The following KALRN variants were observed in gnomAD, a reference collection of about 807,000 sequenced individuals.
The protein encoded by KALRN is kalirin RhoGEF kinase.
In KALRN, 70 loss-of-function variants were observed where a neutral mutation model predicts 353.7. That is an observed-to-expected ratio of 0.20 (90% CI 0.16 to 0.24). The LOEUF (loss-of-function observed/expected upper bound fraction) is 0.24. Ranked by LOEUF, KALRN falls within the 10% of genes least tolerant of loss-of-function variation. The pLI is 1.00. For missense variants in KALRN, 2,791 were observed against 3,756.7 expected, an observed-to-expected ratio of 0.74 and a Z score of 6.72; for synonymous variants, 1,391 against 1,434.8, an observed-to-expected ratio of 0.97 and a Z score of 0.69.
At chr3:124,165,801 A>C (rs1185057496) in intron 1 of KALRN, among the ~76,000 whole-genome samples, 1 of 152,172 alleles carries the variant, frequency 6.6e-6, no homozygotes, top group Non-Finnish European at 1.5e-5. Flanking sequence ...ACCCCTTCCA[A>C]GTGCTTTCGC....
chr3:124,533,357 C>T (rs1047956597), intron 33 of KALRN, among the ~76,000 whole-genome samples: 11 of 152,198 alleles, frequency 7.2e-5, no homozygotes, highest in Middle Eastern at 6.8e-3. Flanking sequence ...ATATATTGAG[C>T]AAGGCCAGGT....
intron 6 of KALRN, among the ~76,000 whole-genome samples, chr3:124,313,830 C>G (rs185324898): frequency 6.6e-6 from 1 of 152,268 alleles, no homozygotes; most frequent in African/African-American, 2.4e-5. Context: ...GACATTAGCC[C>G]TGAGGTCAAA....
chr3:124,152,901 C>A, intron 1 of KALRN: 1 of 183,288 alleles, frequency 5.5e-6, no homozygotes, highest in South Asian at 1.4e-4. Context: ...AAGTGTGAGC[C>A]ACTGCACCTG....
chr3:124,497,300 A>C (rs1047644958), intron 33 of KALRN, among the ~76,000 whole-genome samples: 28 of 152,142 alleles, frequency 1.8e-4, no homozygotes, highest in African/African-American at 6.8e-4. Flanking sequence ...TCCAAAGACT[A>C]TTTGTCCCTA....
chr3:124,519,398 G>C (rs978323729), intron 33 of KALRN: 2 of 985,222 alleles, frequency 2.0e-6, no homozygotes, highest in Non-Finnish European at 2.4e-6. Context: ...AGAGTTTCAT[G>C]GAAACCCCAC....
intron 3 of KALRN, among the ~76,000 whole-genome samples, chr3:124,260,672 T>G (rs2072719060): frequency 6.6e-6 from 1 of 151,708 alleles, no homozygotes; most frequent in South Asian, 2.1e-4. Flanking sequence ...ACAGACTGTA[T>G]GTGGGTGAGT....
At chr3:124,333,171 C>T (rs2080778377) in intron 8 of KALRN, among the ~76,000 whole-genome samples, 1 of 152,138 alleles carries the variant, frequency 6.6e-6, no homozygotes, top group African/African-American at 2.4e-5. Flanking sequence ...GAAAAACCCA[C>T]CCGCATGATT....
intron 1 of KALRN, among the ~76,000 whole-genome samples, chr3:124,173,602 A>C (rs564487711): frequency 5.9e-5 from 9 of 152,102 alleles, no homozygotes; most frequent in Non-Finnish European, 1.3e-4. Context: ...AAAGGGACCA[A>C]GGTTTCCTGT....
intron 34 of KALRN, among the ~76,000 whole-genome samples, chr3:124,601,702 T>C (rs1230582344): frequency 8.7e-6 from 1 of 115,460 alleles, no homozygotes; most frequent in Non-Finnish European, 1.8e-5. Flanking sequence ...TTATCTGCTA[T>C]GCTGTGGTAA....
chr3:124,357,015 T>C (rs531758462), intron 10 of KALRN, among the ~76,000 whole-genome samples: 11 of 152,302 alleles, frequency 7.2e-5, no homozygotes, highest in Admixed American at 3.9e-4. Flanking sequence ...CAAAGTTTAT[T>C]ATATCACCTC....
At chr3:124,281,519 C>T (rs896160791) in intron 5 of KALRN, among the ~76,000 whole-genome samples, 6 of 152,198 alleles carry the variant, frequency 3.9e-5, no homozygotes, top group Non-Finnish European at 8.8e-5. Flanking sequence ...CTTTTCATGC[C>T]TTTGTTCATG....
At chr3:124,295,293 T>A (rs2076764323) in intron 5 of KALRN, among the ~76,000 whole-genome samples, 1 of 152,168 alleles carries the variant, frequency 6.6e-6, no homozygotes, top group Non-Finnish European at 1.5e-5. Flanking sequence ...CCACCTCCAG[T>A]GAAAGCTAAA....
chr3:124,068,372 C>T (rs1215643418), intron 1 of KALRN, among the ~76,000 whole-genome samples: 1 of 152,148 alleles, frequency 6.6e-6, no homozygotes, highest in Non-Finnish European at 1.5e-5. Flanking sequence ...GCATCCAGAC[C>T]ACTTTGTGAA....
At chr3:124,130,777 C>T (rs951091775) in intron 1 of KALRN, among the ~76,000 whole-genome samples, 14 of 152,078 alleles carry the variant, frequency 9.2e-5, no homozygotes, top group African/African-American at 2.7e-4. Context: ...TGTATATCAA[C>T]GCCACAGAAT....
At chr3:124,463,464 A>G (rs1304067540) in intron 25 of KALRN, among the ~76,000 whole-genome samples, 1 of 152,238 alleles carries the variant, frequency 6.6e-6, no homozygotes, top group African/African-American at 2.4e-5. Context: ...GCAAGACTCC[A>G]GAATAGCACT....
rs568703940 is a variant in KALRN at position 124,623,154 on chromosome 3, TCTTTG to T, written c.5183-9256_5183-9252del. On this transcript the variant is annotated intron_variant, in intron 34 of 59. Coordinates refer to ENST00000682506, the MANE Select transcript of KALRN (RefSeq NM_001388419.1). ...TCTCTTTCTTTCTTTCCTTTTCTTT[TCTTTG>T]CTTTGCTTTTTTCTTTCATTCTGCT... 1.2e-3 allele frequency among the ~76,000 whole-genome samples: 188 copies of T among 151,936 alleles called. 2 individuals are homozygous for T. The highest frequency in any genetic ancestry group is 9.3e-3 in the East Asian group (48 of 5,176).
chr3:124,537,803 A>C (rs141936549), intron 33 of KALRN, among the ~76,000 whole-genome samples: 131 of 152,280 alleles, frequency 8.6e-4, no homozygotes, highest in African/African-American at 3.1e-3. Context: ...ATGCTCAGGG[A>C]TTTGGACCTG....
rs373891175 is a variant in KALRN, at chr3:124,044,330, G to C, written c.73+10517G>C. On this transcript the variant is annotated intron_variant, in intron 1 of 59. Coordinates refer to ENST00000682506, the MANE Select transcript of KALRN (RefSeq NM_001388419.1). Reference sequence around the variant, plus strand: ...CAGGCTTATCTACCCTAGAACACAAGAAGGTGGGAGTTTCCTAAAGTGTAG... The same window carrying C: ...CAGGCTTATCTACCCTAGAACACAACAAGGTGGGAGTTTCCTAAAGTGTAG... Among the ~76,000 whole-genome samples the C allele has an allele frequency of 2.6e-5, 4 of 152,306 alleles. No homozygotes were observed. The South Asian group carries it at 8.3e-4, about 32-fold the overall frequency.
At chr3:124,074,176 A>G (rs1476730283) in intron 1 of KALRN, among the ~76,000 whole-genome samples, 1 of 152,172 alleles carries the variant, frequency 6.6e-6, no homozygotes, top group Non-Finnish European at 1.5e-5. Context: ...TCCCTGCTAT[A>G]TGCCCAAGAC....
Sources: allele counts gnomAD v4.1 joint callset (sites outside exome capture counted in the v4.1 genomes callset), GRCh38; gene constraint gnomAD v4.1.1; transcripts MANE v1.5; gene names NCBI Gene and HGNC (gene_info 2026-07-23, HGNC 2026-07-21).